The following EPHA6 variants were observed in gnomAD, a reference collection of about 807,000 sequenced individuals.
EPHA6 encodes EPH receptor A6, also known as ephrin type-A receptor 6.
A neutral mutation model predicts 112.0 loss-of-function variants in EPHA6; 50 were observed. That is an observed-to-expected ratio of 0.45 (90% CI 0.36 to 0.56). EPHA6 has a LOEUF of 0.56. EPHA6 is among the 20% of genes least tolerant of loss of function. The pLI, the probability that EPHA6 is intolerant of heterozygous loss-of-function variation, is 0.00. For missense variants in EPHA6, 1,280 were observed against 1,417.4 expected, an observed-to-expected ratio of 0.90 and a Z score of 1.56; for synonymous variants, 529 against 490.7, an observed-to-expected ratio of 1.08 and a Z score of -1.03.
At chr3:97,013,500 T>C (rs1425191218) in intron 3 of EPHA6, among the ~76,000 whole-genome samples, 2 of 152,168 alleles carry the variant, frequency 1.3e-5, no homozygotes, top group Non-Finnish European at 2.9e-5. Flanking sequence ...GTGTACCCAC[T>C]ACGTCCTGAA....
chr3:96,841,982 G>A (rs16836353), intron 1 of EPHA6, among the ~76,000 whole-genome samples: 4,804 of 152,018 alleles, frequency 0.032, 110 homozygotes, highest in East Asian at 0.069. Context: ...TAAAAGTCCC[G>A]GGATGGAACA....
intron 5 of EPHA6, among the ~76,000 whole-genome samples, chr3:97,329,285 A>G (rs1239955061): frequency 1.3e-5 from 2 of 151,416 alleles, no homozygotes; most frequent in African/African-American, 2.4e-5. Flanking sequence ...ATACGTGTGC[A>G]TGTGTCTTTA....
intron 3 of EPHA6, among the ~76,000 whole-genome samples, chr3:97,116,437 T>C (rs1025582362): frequency 6.6e-6 from 1 of 151,702 alleles, no homozygotes; most frequent in Non-Finnish European, 1.5e-5. Context: ...CATCATACTT[T>C]ACAGTAGATC....
rs186860558 is a variant in EPHA6 at position 97,118,508 on chromosome 3, A to T, written c.1115-107756A>T. ...TTTTTTGAAATATCTCAATATAAAG[A>T]TCTTACCTAACATACATCTTCTCTT... On this transcript the variant is annotated intron_variant, in intron 3 of 17. Transcript: ENST00000389672. Among the ~76,000 whole-genome samples the T allele has an allele frequency of 2.0e-4, 30 of 151,998 alleles. No individual in the cohort carries two copies. The Middle Eastern group carries it at 0.01, about 52-fold the overall frequency.
At chr3:97,144,676 TTAA>T (rs1286003734) in intron 3 of EPHA6, among the ~76,000 whole-genome samples, 1 of 151,516 alleles carries the variant, frequency 6.6e-6, no homozygotes, top group African/African-American at 2.4e-5. Flanking sequence ...TATCTTAAAA[TTAA>T]TAATCTTCAT....
At chr3:97,118,662 A>G (rs2047960380) in intron 3 of EPHA6, among the ~76,000 whole-genome samples, 1 of 151,896 alleles carries the variant, frequency 6.6e-6, no homozygotes, top group Admixed American at 6.6e-5. Context: ...TATATTTAAG[A>G]ATCACACAAA....
At chr3:96,849,061 C>A (rs1040374773) in intron 1 of EPHA6, among the ~76,000 whole-genome samples, 6 of 152,140 alleles carry the variant, frequency 3.9e-5, no homozygotes, top group African/African-American at 9.6e-5. Context: ...TCTTCTGGAG[C>A]AGCCTTCAAA....
At chr3:97,161,692 C>T (rs760773529) in intron 3 of EPHA6, among the ~76,000 whole-genome samples, 1 of 151,936 alleles carries the variant, frequency 6.6e-6, no homozygotes. Flanking sequence ...TTGATATGCT[C>T]TAAACCACTG....
chr3:97,466,359 C>T (rs2091053805), intron 7 of EPHA6: 3 of 1,607,482 alleles, frequency 1.9e-6, no homozygotes, highest in Admixed American at 1.7e-5. Flanking sequence ...CATCGCCCTG[C>T]CCCATATCAG....
chr3:96,890,254 A>C (rs1189331683), intron 2 of EPHA6, among the ~76,000 whole-genome samples: 1 of 152,196 alleles, frequency 6.6e-6, no homozygotes, highest in Non-Finnish European at 1.5e-5. Context: ...TATTTGCAGT[A>C]CAGTTATTTT....
At chr3:96,835,282 A>G (rs1051759503) in intron 1 of EPHA6, among the ~76,000 whole-genome samples, 2 of 152,074 alleles carry the variant, frequency 1.3e-5, no homozygotes, top group Non-Finnish European at 2.9e-5. Context: ...TGTAGAGAAA[A>G]GTGTTATAGA....
intron 7 of EPHA6, among the ~76,000 whole-genome samples, chr3:97,451,781 T>A (rs1032856251): frequency 6.6e-6 from 1 of 150,570 alleles, no homozygotes. Flanking sequence ...TCCTGGCTCT[T>A]CTTTAAATTT....
intron 3 of EPHA6, among the ~76,000 whole-genome samples, chr3:97,196,849 G>A (rs1303717164): frequency 6.6e-6 from 1 of 151,856 alleles, no homozygotes; most frequent in South Asian, 2.1e-4. Flanking sequence ...CTCTCTTCAT[G>A]ATGAGTTTCC....
At chr3:97,472,524 A>G (rs1185993259) in intron 7 of EPHA6, among the ~76,000 whole-genome samples, 1 of 151,760 alleles carries the variant, frequency 6.6e-6, no homozygotes, top group Non-Finnish European at 1.5e-5. Flanking sequence ...CAGCTTTGAT[A>G]ACAAAGTTAA....
chr3:97,549,711 G>A (rs1461607127), intron 11 of EPHA6, among the ~76,000 whole-genome samples: 4 of 152,096 alleles, frequency 2.6e-5, no homozygotes, highest in African/African-American at 9.7e-5. Flanking sequence ...TCAGGAGGCT[G>A]AGGCAGGAGA....
At chr3:97,251,387 G>A (rs2079135802) in intron 5 of EPHA6, among the ~76,000 whole-genome samples, 1 of 151,764 alleles carries the variant, frequency 6.6e-6, no homozygotes, top group Admixed American at 6.6e-5. Flanking sequence ...AAAATTAGCC[G>A]GGCGTGGTTG....
At chr3:97,663,782 T>C (rs2094186597) in intron 14 of EPHA6, among the ~76,000 whole-genome samples, 1 of 152,116 alleles carries the variant, frequency 6.6e-6, no homozygotes, top group South Asian at 2.1e-4. Flanking sequence ...GTGAATAGTG[T>C]CACAATAAAT....
At chr3:97,010,077 A>C in intron 3 of EPHA6, 4 of 1,291,040 alleles carry the variant, frequency 3.1e-6, no homozygotes, top group South Asian at 2.5e-5. Flanking sequence ...GAAGAATAAA[A>C]GAAAAAGCAA....
At chr3:97,471,789 A>G (rs1367362596) in intron 7 of EPHA6, among the ~76,000 whole-genome samples, 2 of 151,778 alleles carry the variant, frequency 1.3e-5, no homozygotes, top group African/African-American at 4.8e-5. Context: ...ACTCAAAGGA[A>G]TATTTATTAC....
Sources: allele counts gnomAD v4.1 joint callset (sites outside exome capture counted in the v4.1 genomes callset), GRCh38; gene constraint gnomAD v4.1.1; transcripts MANE v1.5; gene names NCBI Gene and HGNC (gene_info 2026-07-23, HGNC 2026-07-21).